Variants in SNX18 observed in about 807,000 individuals in gnomAD.
SNX18 encodes sorting nexin-18.
SNX18 carries 35 observed loss-of-function variants against 48.7 expected under a neutral mutation model. The observed-to-expected ratio is 0.72, with a 90% confidence interval of 0.55 to 0.95. The LOEUF is 0.95. Among genes scored for constraint, SNX18 ranks in the 40% least tolerant of loss-of-function variants. The pLI is 0.00. For missense variants in SNX18, 824 were observed against 871.0 expected (o/e 0.95, Z 0.68); for synonymous variants, 492 against 384.7 (o/e 1.28, Z -3.26).
chr5:54,548,743 T>C (rs1032154688), downstream of SNX18, among the ~76,000 whole-genome samples: 2 of 152,196 alleles, frequency 1.3e-5, no homozygotes, highest in Non-Finnish European at 2.9e-5. Flanking sequence ...TTCCTGAACA[T>C]CATGTGACCA....
chr5:54,528,166 A>G (rs1414455513), intron 1 of SNX18, among the ~76,000 whole-genome samples: 1 of 146,928 alleles, frequency 6.8e-6, no homozygotes, highest in African/African-American at 2.5e-5. Flanking sequence ...ACACACACAC[A>G]TTTTCCTCAT....
the SNX18 span, among the ~76,000 whole-genome samples, chr5:54,618,890 CT>C: frequency 2.0e-5 from 3 of 152,076 alleles, no homozygotes; most frequent in Non-Finnish European, 4.4e-5. Context: ...TTTATACCCC[CT>C]GTTCTATAAG....
the SNX18 span, among the ~76,000 whole-genome samples, chr5:54,615,702 A>C: frequency 6.6e-6 from 1 of 152,202 alleles, no homozygotes; most frequent in Non-Finnish European, 1.5e-5. Context: ...AAGAGTGCAC[A>C]ATCCTTCAGT....
Position 54,518,783 on chromosome 5 carries a change from G to T in SNX18, c.831G>T (p.Gln277His). The part of the protein sequence containing the change: ...PEWQENPYPF[Q>H]CTIDDPTKQT... ...GGCAGGAGAACCCCTACCCGTTCCA[G>T]TGCACCATCGACGACCCCACCAAGC... is the stretch of plus-strand genomic sequence containing the variant. Residue 277 changes from glutamine (Q) to histidine (H), a missense_variant, in exon 1 of 2, where the codon CAG becomes CAT. By Grantham distance (24) the Gln-to-His change is conservative. Transcript: ENST00000381410. 2 of 1,605,510 alleles carry T rather than the reference G, an allele frequency of 1.2e-6. No individual in the cohort carries two copies. The highest frequency in any genetic ancestry group is 1.7e-6 in the Non-Finnish European group (2 of 1,175,398).
the SNX18 span, among the ~76,000 whole-genome samples, chr5:54,583,864 C>G: frequency 6.6e-6 from 1 of 152,104 alleles, no homozygotes; most frequent in African/African-American, 2.4e-5. Flanking sequence ...ATCTTCTCAC[C>G]CTGCCGGGTG....
the SNX18 span, among the ~76,000 whole-genome samples, chr5:54,634,005 C>T: frequency 2.0e-5 from 3 of 152,164 alleles, no homozygotes; most frequent in African/African-American, 4.8e-5. Context: ...GCTTTCATGG[C>T]TATAATTTCA....
the SNX18 span, among the ~76,000 whole-genome samples, chr5:54,584,026 T>C: frequency 1.3e-5 from 2 of 149,000 alleles, no homozygotes; most frequent in Non-Finnish European, 3.0e-5. Context: ...AGGCTGTTTC[T>C]GGGTTGCCAG....
the SNX18 span, among the ~76,000 whole-genome samples, chr5:54,565,651 G>A: frequency 6.6e-5 from 10 of 152,056 alleles, no homozygotes; most frequent in South Asian, 1.2e-3. Flanking sequence ...TTTTTAAAAA[G>A]AATATCATTT....
intron 1 of SNX18, among the ~76,000 whole-genome samples, chr5:54,525,364 G>C (rs1218751915): frequency 6.8e-6 from 1 of 146,628 alleles, no homozygotes; most frequent in Non-Finnish European, 1.5e-5. Context: ...AACACAGTGA[G>C]ACCTTGTCTC....
At position 54,544,635 on chromosome 5, in the gene SNX18, G is replaced by GGCCCC. The variant is rs1762541286; in HGVS notation, c.*1203_*1204insGCCCC. On this transcript the variant is annotated 3_prime_UTR_variant, in exon 2 of 2. Coordinates refer to ENST00000381410, the MANE Select transcript of SNX18 (RefSeq NM_001102575.2). ...TTAAAAAAAAAAAAGGTATTGATGA[G>GGCCCC]CCCCCCCCCCCCAGGACATTTAACC... The GGCCCC allele has an allele frequency of 1.1e-5, 1 of 87,362 alleles. No individual in the cohort carries two copies. Among genetic ancestry groups the GGCCCC allele is most frequent in the Non-Finnish European group, 2.3e-5 (1 of 43,124 alleles). The allele number at this position is 87,362 out of a possible 1,614,324, so 5.4% of individuals were successfully genotyped here. A position where few individuals can be genotyped will look rare whatever the true frequency, so the allele number is the denominator to read the frequency against.
At chr5:54,523,301 T>A (rs1474795436) in intron 1 of SNX18, among the ~76,000 whole-genome samples, 1 of 152,218 alleles carries the variant, frequency 6.6e-6, no homozygotes, top group Non-Finnish European at 1.5e-5. Context: ...CTTGGCATAT[T>A]CAGTTTTGTT....
the SNX18 span, among the ~76,000 whole-genome samples, chr5:54,625,394 G>T: frequency 6.6e-6 from 1 of 152,206 alleles, no homozygotes; most frequent in Non-Finnish European, 1.5e-5. Flanking sequence ...CTGCTTCTAA[G>T]CTCGCTCGTA....
At chr5:54,642,728 T>G in the SNX18 span, among the ~76,000 whole-genome samples, 1 of 152,198 alleles carries the variant, frequency 6.6e-6, no homozygotes, top group South Asian at 2.1e-4. Context: ...TCTTAGAGCA[T>G]CGGTTGGTTC....
chr5:54,560,562 A>G, the SNX18 span, among the ~76,000 whole-genome samples: 1 of 152,196 alleles, frequency 6.6e-6, no homozygotes, highest in Non-Finnish European at 1.5e-5. Flanking sequence ...AGTCTGTACA[A>G]CAAACCCCCA....
At chr5:54,640,485 A>T in the SNX18 span, among the ~76,000 whole-genome samples, 1 of 152,016 alleles carries the variant, frequency 6.6e-6, no homozygotes, top group African/African-American at 2.4e-5. Context: ...TGCCTCCTAA[A>T]TTGCTGGGAT....
the SNX18 span, among the ~76,000 whole-genome samples, chr5:54,555,970 T>G: frequency 6.6e-6 from 1 of 152,180 alleles, no homozygotes; most frequent in African/African-American, 2.4e-5. Context: ...GAGGTTTCCT[T>G]GCTATAATTT....
At chr5:54,582,286 A>G in the SNX18 span, among the ~76,000 whole-genome samples, 244 of 152,276 alleles carry the variant, frequency 1.6e-3, 1 homozygote, top group African/African-American at 5.6e-3. Context: ...AATATCTCAG[A>G]TGGTAGCAGA....
At chr5:54,556,063 G>A in the SNX18 span, among the ~76,000 whole-genome samples, 1 of 152,086 alleles carries the variant, frequency 6.6e-6, no homozygotes, top group Non-Finnish European at 1.5e-5. Context: ...TTTGGTGAAA[G>A]CCTAAAATCT....
chr5:54,594,510 G>T, the SNX18 span, among the ~76,000 whole-genome samples: 1 of 152,146 alleles, frequency 6.6e-6, no homozygotes, highest in Admixed American at 6.6e-5. Flanking sequence ...TATGAGGGTG[G>T]TTTGCTGTGT....
Sources: gnomAD v4.1 joint callset for allele counts (sites outside exome capture counted in the v4.1 genomes callset) on GRCh38, gnomAD v4.1.1 for gene constraint, MANE v1.5 for transcripts, NCBI Gene and HGNC (gene_info 2026-07-23, HGNC 2026-07-21) for gene names.